The following RARS1 variants were observed in gnomAD, a reference collection of about 807,000 sequenced individuals.
RARS1 encodes the protein arginine--tRNA ligase, cytoplasmic.
In RARS1, 75 loss-of-function variants were observed where a neutral mutation model predicts 78.7. The observed-to-expected ratio is 0.95, with a 90% CI of 0.79 to 1.15. The LOEUF (loss-of-function observed/expected upper bound fraction) is 1.15. Among genes scored for constraint, RARS1 ranks in the 50% most tolerant of loss-of-function variants. The pLI is 0.00. For synonymous variants in RARS1, 273 were observed against 268.2 expected (o/e 1.02, Z -0.18); for missense variants, 787 against 787.5 (o/e 1.00, Z 0.01).
chr5:168,501,906 G>A (rs1252941256), intron 8 of RARS1, 95 bp from the exon 9 acceptor site: 5 of 1,448,356 alleles, frequency 3.5e-6, no homozygotes, highest in Non-Finnish European at 4.6e-6. Flanking sequence ...TTTAATATTT[G>A]TATTAATAAA....
Position 168,517,825 on chromosome 5 carries a change from C to T in RARS1, c.1636C>T (p.Arg546Cys), listed in dbSNP as rs757782522. The T allele has an allele frequency of 7.5e-6, 12 of 1,605,266 alleles. No individual in the cohort carries two copies. Among genetic ancestry groups the T allele is most frequent in the Middle Eastern group, 1.6e-4 (1 of 6,076 alleles). The stretch of plus-strand genomic sequence containing the variant: ...TTTGTTTTTTTTAAGGTCTATTGCA[C>T]GTCTGGCCAATATTGATGAAGAAAT... ...YAFTRIRSIA[R>C]LANIDEEMLQ... Residue 546 changes from arginine (R) to cysteine (C), a missense_variant, in exon 14 of 15, where the codon CGT becomes TGT. Coordinates refer to ENST00000231572, the MANE Select transcript of RARS1 (RefSeq NM_002887.4).
rs199652266 is a variant in RARS1 at position 168,506,769 on chromosome 5, G to C, written c.1284G>C (p.Trp428Cys). ...TIFAAAQMIG[W>C]YDPKVTRVFH... ...TTGCTGCTGCTCAAATGATTGGTTG[G>C]TATGACCCTAAAGTAACTCGAGTCT... Residue 428 changes from tryptophan (W) to cysteine (C), a missense_variant, in exon 11 of 15, where the codon TGG (tryptophan) becomes TGC (cysteine). Transcript: ENST00000231572. The C allele has an allele frequency of 1.2e-6, 2 of 1,613,888 alleles. No homozygotes were observed. Among genetic ancestry groups the C allele is most frequent in the Non-Finnish European group, 1.7e-6 (2 of 1,179,902 alleles).
At chr5:168,504,818 C>G (rs1427371587) in intron 9 of RARS1, among the ~76,000 whole-genome samples, 1 of 151,680 alleles carries the variant, frequency 6.6e-6, no homozygotes, top group Non-Finnish European at 1.5e-5. Context: ...GAGCGAGACT[C>G]CGTCTCAAAA....
At chr5:168,505,419 T>C (rs1582436755) in intron 9 of RARS1, among the ~76,000 whole-genome samples, 1 of 152,224 alleles carries the variant, frequency 6.6e-6, no homozygotes, top group East Asian at 1.9e-4. Flanking sequence ...TCCTGCCCTG[T>C]TTGTTTCCGG....
intron 9 of RARS1, among the ~76,000 whole-genome samples, chr5:168,502,411 A>G (rs1364793864): frequency 7.3e-6 from 1 of 136,166 alleles, no homozygotes; most frequent in Non-Finnish European, 1.5e-5. Flanking sequence ...CAATCTTGCT[A>G]TGTTGCCTAG....
chr5:168,512,864 A>G (rs1582441330), intron 12 of RARS1, among the ~76,000 whole-genome samples: 2 of 152,314 alleles, frequency 1.3e-5, no homozygotes, highest in East Asian at 3.9e-4. Context: ...CCCAGGATCA[A>G]TACTTCGTAT....
In RARS1 at chr5:168,510,968, T is replaced by C. The variant is rs117979436; in HGVS notation, c.1452+282T>C. ...ACAGCAGTTCCCAAAGATGGGAGAA[T>C]ATTGCAGACTGAAGGGGTTTGATTC... On this transcript the variant is annotated intron_variant, in intron 12 of 14. Coordinates refer to ENST00000231572, the MANE Select transcript of RARS1 (RefSeq NM_002887.4). Among the ~76,000 whole-genome samples the C allele has an allele frequency of 4.2e-4, 64 of 152,310 alleles. No homozygotes were observed. The East Asian group carries it at 0.011, about 26-fold the overall frequency.
At chr5:168,490,472 C>G (rs190829412) in intron 2 of RARS1, among the ~76,000 whole-genome samples, 1 of 152,274 alleles carries the variant, frequency 6.6e-6, no homozygotes, top group Admixed American at 6.5e-5. Context: ...ACACATTTTT[C>G]TGTAATGCAG....
At chr5:168,506,978 G>A (rs998394853) in intron 11 of RARS1, 147 bp downstream of exon 11, 2 of 653,642 alleles carry the variant, frequency 3.1e-6, no homozygotes, top group Non-Finnish European at 2.6e-6. Context: ...GAGTGATTTT[G>A]TATCTATATC....
intron 2 of RARS1, among the ~76,000 whole-genome samples, chr5:168,490,003 G>A (rs751389816): frequency 3.3e-5 from 5 of 151,972 alleles, no homozygotes; most frequent in African/African-American, 7.2e-5. Flanking sequence ...TAGTAGAGAC[G>A]AGGTTTCTCC....
At chr5:168,489,751 T>C (rs199954266) in intron 2 of RARS1, among the ~76,000 whole-genome samples, 3 of 152,182 alleles carry the variant, frequency 2.0e-5, no homozygotes, top group Non-Finnish European at 4.4e-5. Flanking sequence ...CCAAAGCTGA[T>C]TGATCCATTT....
chr5:168,492,556 GTTC>G lies in RARS1; in HGVS notation c.181-100_181-98del, dbSNP rs1381894804. The G allele has an allele frequency of 4.8e-6, 5 of 1,036,362 alleles. No individual in the cohort carries two copies. The African/African-American group carries it at 8.0e-5, about 17-fold the overall frequency. The allele number at this position is 1,036,362 out of a possible 1,614,324, so 64.2% of individuals were successfully genotyped here. On this transcript the variant is annotated intron_variant, in intron 2 of 14. Coordinates refer to ENST00000231572, the MANE Select transcript of RARS1 (RefSeq NM_002887.4). ...CACCATAAGTACGTTTTCCCTTTTGGTTCTTAAGATATTTGGAGGTTTATACTC... is the reference window on the plus strand; with the variant it reads ...CACCATAAGTACGTTTTCCCTTTTGGTTAAGATATTTGGAGGTTTATACTC...
In RARS1 at chr5:168,516,951, G is replaced by T; in HGVS notation, c.1625+1G>T. ...TGTTGTATGCCTTCACTAGAATCAG[G>T]TAATTGTGGGTAGGCATTGTTTTAT... is the stretch of plus-strand genomic sequence containing the variant. On this transcript the variant is annotated splice_donor_variant, in intron 13 of 14. Coordinates refer to ENST00000231572, the MANE Select transcript of RARS1 (RefSeq NM_002887.4). LOFTEE classifies it high-confidence loss of function. 6.2e-7 allele frequency: 1 copy of T among 1,612,114 alleles called. No individual in the cohort carries two copies. Among genetic ancestry groups the T allele is most frequent in the Non-Finnish European group, 8.5e-7 (1 of 1,178,330 alleles).
At chr5:168,519,011 C>G (rs1381312769) in intron 14 of RARS1, 70 bp from the exon 15 acceptor site, 2 of 1,363,634 alleles carry the variant, frequency 1.5e-6, no homozygotes, top group South Asian at 1.3e-5. Flanking sequence ...TTGCAAGTAA[C>G]ATAGATTCTT....
In RARS1 at chr5:168,506,007, T is replaced by C. The variant is rs372132177; in HGVS notation, c.1058-14T>C. The C allele has an allele frequency of 2.5e-6, 4 of 1,585,396 alleles. No individual in the cohort carries two copies. The highest frequency in any genetic ancestry group is 2.6e-6 in the Non-Finnish European group (3 of 1,170,212). On this transcript the variant is annotated splice_polypyrimidine_tract_variant and intron_variant, in intron 9 of 14. Coordinates refer to ENST00000231572, the MANE Select transcript of RARS1 (RefSeq NM_002887.4). ...TCTTTTAACTTTATTAATGAAGTGT[T>C]TTTTACCCCCTAGGATTTGTGCAGG...
In RARS1 at chr5:168,517,920, C is replaced by T; in HGVS notation, c.1731C>T (p.Cys577=). The change falls in exon 14 of 15, where the codon TGC becomes TGT. Residue 577 remains cysteine, a synonymous_variant. Transcript: ENST00000231572. ...AGAAGGAATGGAAACTAGGCCGGTG[C>T]ATTTTACGGTTCCCTGAGATTCTGC... ...DHEKEWKLGR[C]ILRFPEILQK... 1 of 1,613,728 alleles carries T rather than the reference C, an allele frequency of 6.2e-7. No individual in the cohort carries two copies. Among genetic ancestry groups the T allele is most frequent in the Non-Finnish European group, 8.5e-7 (1 of 1,179,952 alleles).
intron 12 of RARS1, among the ~76,000 whole-genome samples, chr5:168,515,421 C>T (rs753904569): frequency 2.0e-5 from 3 of 152,078 alleles, no homozygotes; most frequent in Non-Finnish European, 4.4e-5. Context: ...CAAGTAGCTG[C>T]GTTACAGGCA....
chr5:168,517,229 A>C (rs1758684595), intron 13 of RARS1, among the ~76,000 whole-genome samples: 1 of 151,350 alleles, frequency 6.6e-6, no homozygotes, highest in Non-Finnish European at 1.5e-5. Flanking sequence ...TGCAACCTCC[A>C]CCTCCCGGGT....
At chr5:168,497,381 G>A (rs372728318) in intron 7 of RARS1, 33 bp downstream of exon 7, 1 of 1,447,258 alleles carries the variant, frequency 6.9e-7, no homozygotes, top group Non-Finnish European at 9.2e-7. Context: ...TTATGTGTGT[G>A]TTTACCATTA....
Sources: gnomAD v4.1 joint callset for allele counts (sites outside exome capture counted in the v4.1 genomes callset) on GRCh38, gnomAD v4.1.1 for gene constraint, MANE v1.5 for transcripts, NCBI Gene and HGNC (gene_info 2026-07-23, HGNC 2026-07-21) for gene names.